ADGRL3: variants seen among roughly 807,000 people sequenced by gnomAD.
ADGRL3 encodes the protein adhesion G protein-coupled receptor L3.
Under a neutral mutation model 153.5 loss-of-function variants are expected in ADGRL3, and 62 were observed. That is an observed-to-expected ratio of 0.40 (90% CI 0.33 to 0.50). The LOEUF (loss-of-function observed/expected upper bound fraction) is 0.50. Among genes scored for constraint, ADGRL3 ranks in the 20% least tolerant of loss-of-function variants. The pLI, the probability that ADGRL3 is intolerant of heterozygous loss-of-function variation, is 0.47. For synonymous variants in ADGRL3, 710 were observed against 672.5 expected (o/e 1.06, Z -0.86); for missense variants, 1,641 against 1,859.4 (o/e 0.88, Z 2.16).
intron 1 of ADGRL3, among the ~76,000 whole-genome samples, chr4:61,283,025 A>T (rs6835742): frequency 6.6e-6 from 1 of 151,876 alleles, no homozygotes; most frequent in African/African-American, 2.4e-5. Context: ...AGCCTTTTTT[A>T]TTTGATCATG....
chr4:61,410,695 T>C (rs1385062168), intron 2 of ADGRL3, among the ~76,000 whole-genome samples: 1 of 152,192 alleles, frequency 6.6e-6, no homozygotes, highest in Non-Finnish European at 1.5e-5. Context: ...ATACTCAGTA[T>C]ATCCTGGATC....
intron 5 of ADGRL3, among the ~76,000 whole-genome samples, chr4:61,609,433 A>T (rs537672713): frequency 6.6e-6 from 1 of 152,266 alleles, no homozygotes; most frequent in Admixed American, 6.5e-5. Flanking sequence ...ATTTATGAGT[A>T]AGACAGTGCC....
intron 8 of ADGRL3, among the ~76,000 whole-genome samples, chr4:61,761,639 T>G (rs2096913711): frequency 6.6e-6 from 1 of 152,038 alleles, no homozygotes; most frequent in Admixed American, 6.6e-5. Context: ...ACACAAAATT[T>G]TAAAATTTAG....
chr4:61,212,378 G>A (rs1740490534), intron 1 of ADGRL3, among the ~76,000 whole-genome samples: 1 of 152,084 alleles, frequency 6.6e-6, no homozygotes, highest in South Asian at 2.1e-4. Flanking sequence ...CTGTTTAGAG[G>A]CAGAGTATTC....
At chr4:61,916,386 G>C (rs1462657309) in intron 13 of ADGRL3, among the ~76,000 whole-genome samples, 3 of 152,062 alleles carry the variant, frequency 2.0e-5, no homozygotes, top group African/African-American at 7.2e-5. Context: ...CATAGCCCCA[G>C]CTACTTGAGA....
intron 5 of ADGRL3, among the ~76,000 whole-genome samples, chr4:61,618,458 T>C (rs779062403): frequency 2.0e-5 from 3 of 152,200 alleles, no homozygotes; most frequent in Non-Finnish European, 4.4e-5. Flanking sequence ...GTTTGTCAGA[T>C]GTGTGATTCT....
intron 1 of ADGRL3, among the ~76,000 whole-genome samples, chr4:61,313,022 A>G (rs2095069436): frequency 6.6e-6 from 1 of 152,216 alleles, no homozygotes; most frequent in Admixed American, 6.5e-5. Flanking sequence ...TATCCATACA[A>G]TGGTGTGTTA....
At chr4:61,484,108 T>A (rs929758571) in intron 2 of ADGRL3, among the ~76,000 whole-genome samples, 1 of 151,996 alleles carries the variant, frequency 6.6e-6, no homozygotes, top group Non-Finnish European at 1.5e-5. Context: ...TTTTTTTACT[T>A]ATTGTTTTCT....
rs577390925 is a variant in ADGRL3, at chr4:61,742,166, A to G, written c.1399+8612A>G. Among the ~76,000 whole-genome samples, 7 of 152,320 alleles carry G rather than the reference A, an allele frequency of 4.6e-5. No individual in the cohort carries two copies. In the East Asian group the frequency reaches 7.7e-4, roughly 17 times the overall value. On this transcript the variant is annotated intron_variant, in intron 8 of 26. Coordinates refer to ENST00000683033, the MANE Select transcript of ADGRL3 (RefSeq NM_001387552.1). The stretch of plus-strand genomic sequence containing the variant: ...AATGCTTCTACCCATCTTAGCACAG[A>G]TAAGTGAGAGTTGACTCTATTACGT...
chr4:61,356,430 AAAC>A (rs2096171141), intron 1 of ADGRL3, among the ~76,000 whole-genome samples: 1 of 152,102 alleles, frequency 6.6e-6, no homozygotes, highest in Admixed American at 6.5e-5. Flanking sequence ...ATTAAGAAAA[AAAC>A]AAAATTATTT....
In ADGRL3 at chr4:61,966,942, T is replaced by A. The variant is rs1289673110; in HGVS notation, c.2806-12621T>A. On this transcript the variant is annotated intron_variant, in intron 17 of 26. Coordinates refer to ENST00000683033, the MANE Select transcript of ADGRL3 (RefSeq NM_001387552.1). ...CATTTGTGGACCTTCCCACTGTTAATGAAGTTGCTAAAAACTTGCAATATT... is the reference window on the plus strand; with the variant it reads ...CATTTGTGGACCTTCCCACTGTTAAAGAAGTTGCTAAAAACTTGCAATATT... Among the ~76,000 whole-genome samples, 3 of 152,240 alleles carry A rather than the reference T, an allele frequency of 2.0e-5. 1 individual carries two copies. Among genetic ancestry groups the A allele is most frequent in the South Asian group, 4.1e-4 (2 of 4,826 alleles).
At chr4:61,743,576 C>A (rs1338775574) in intron 8 of ADGRL3, among the ~76,000 whole-genome samples, 1 of 152,078 alleles carries the variant, frequency 6.6e-6, no homozygotes. Flanking sequence ...GCAAATCTTT[C>A]AATATCTACG....
intron 19 of ADGRL3, among the ~76,000 whole-genome samples, chr4:61,987,806 T>C (rs1236881268): frequency 6.6e-6 from 1 of 152,168 alleles, no homozygotes; most frequent in Non-Finnish European, 1.5e-5. Flanking sequence ...ACAGTACATC[T>C]AGAATAAAAC....
chr4:61,316,566 G>A (rs1395649900), intron 1 of ADGRL3, among the ~76,000 whole-genome samples: 1 of 152,180 alleles, frequency 6.6e-6, no homozygotes, highest in Non-Finnish European at 1.5e-5. Flanking sequence ...TGTTTACACC[G>A]TAAAAAGATC....
rs557324722 is a variant in ADGRL3 at position 61,400,225 on chromosome 4, TGTA to T, written c.-174+17040_-174+17042del. Among the ~76,000 whole-genome samples the T allele has an allele frequency of 1.8e-3, 275 of 151,908 alleles. 2 individuals carry two copies. The highest frequency in any genetic ancestry group is 6.4e-3 in the African/African-American group (265 of 41,530). ...GTTAATTTTATATTGAAGAAACAAGTGTAGTAATTATAGAAATGAATATAAATA... is the reference window on the plus strand; with the variant it reads ...GTTAATTTTATATTGAAGAAACAAGTGTAATTATAGAAATGAATATAAATA... On this transcript the variant is annotated intron_variant, in intron 2 of 26. Coordinates refer to ENST00000683033, the MANE Select transcript of ADGRL3 (RefSeq NM_001387552.1).
chr4:61,439,953 T>C (rs1023887323), intron 2 of ADGRL3, among the ~76,000 whole-genome samples: 8 of 152,234 alleles, frequency 5.3e-5, no homozygotes, highest in African/African-American at 1.9e-4. Context: ...ATAAGTCATA[T>C]GCAATGAAAT....
At chr4:61,626,974 A>C (rs970775189) in intron 5 of ADGRL3, among the ~76,000 whole-genome samples, 1 of 152,086 alleles carries the variant, frequency 6.6e-6, no homozygotes, top group African/African-American at 2.4e-5. Context: ...ATGTGAAAAT[A>C]ATTGTTGTTT....
chr4:61,478,563 A>G (rs1055959083), intron 2 of ADGRL3, among the ~76,000 whole-genome samples: 4 of 152,092 alleles, frequency 2.6e-5, no homozygotes, highest in Non-Finnish European at 4.4e-5. Context: ...ATGGCCAATC[A>G]CATTTGTTTT....
chr4:61,217,569 C>G (rs982354604), intron 1 of ADGRL3, among the ~76,000 whole-genome samples: 7 of 152,136 alleles, frequency 4.6e-5, no homozygotes, highest in Non-Finnish European at 1.0e-4. Context: ...TATCACTTGT[C>G]TAGCTTTAAT....
Sources: gnomAD v4.1 joint callset for allele counts (sites outside exome capture counted in the v4.1 genomes callset) on GRCh38, gnomAD v4.1.1 for gene constraint, MANE v1.5 for transcripts, NCBI Gene and HGNC (gene_info 2026-07-23, HGNC 2026-07-21) for gene names.